Variants in SLC6A6 observed in about 807,000 individuals in gnomAD.
The protein encoded by SLC6A6 is sodium- and chloride-dependent taurine transporter.
A neutral mutation model predicts 68.8 loss-of-function variants in SLC6A6; 16 were observed. That is an observed-to-expected ratio of 0.23 (90% CI 0.16 to 0.35). SLC6A6 has a LOEUF of 0.35. Among genes scored for constraint, SLC6A6 ranks in the 10% least tolerant of loss-of-function variants. The pLI is 1.00. For synonymous variants in SLC6A6, 312 were observed against 315.4 expected (o/e 0.99, Z 0.12); for missense variants, 474 against 802.8 (o/e 0.59, Z 4.95).
At position 14,457,914 on chromosome 3, in the gene SLC6A6, C is replaced by A. The variant is rs373791222; in HGVS notation, c.600-36C>A. ...TGGCTCTCTCTACTCCAGGGCCAGG[C>A]CCCTCACTGACTCCTGGCTCTGTGT... On this transcript the variant is annotated intron_variant, in intron 5 of 14. Coordinates refer to ENST00000622186, the MANE Select transcript of SLC6A6 (RefSeq NM_003043.6). 25 of 1,610,334 alleles carry A rather than the reference C, an allele frequency of 1.6e-5. No homozygotes were observed. The African/African-American group carries it at 2.8e-4, about 18-fold the overall frequency.
At chr3:14,417,833 G>C (rs1191631468) in intron 2 of SLC6A6, among the ~76,000 whole-genome samples, 7 of 151,702 alleles carry the variant, frequency 4.6e-5, no homozygotes, top group African/African-American at 1.7e-4. Context: ...TCTGTTATCT[G>C]TGGATCTTAA....
At chr3:14,415,294 C>G (rs903945405) in intron 1 of SLC6A6, among the ~76,000 whole-genome samples, 7 of 152,186 alleles carry the variant, frequency 4.6e-5, no homozygotes, top group Non-Finnish European at 4.4e-5. Context: ...ATGTGGAGGC[C>G]CTAACAAAGC....
intron 2 of SLC6A6, among the ~76,000 whole-genome samples, chr3:14,441,559 AT>A (rs1167643450): frequency 6.6e-6 from 1 of 152,134 alleles, no homozygotes; most frequent in Non-Finnish European, 1.5e-5. Context: ...TAGTGAAACA[AT>A]TGGGGTCCCC....
At position 14,472,014 on chromosome 3, in the gene SLC6A6, G is replaced by A. The variant is rs1700763396; in HGVS notation, c.1097-191G>A. 6.6e-6 allele frequency among the ~76,000 whole-genome samples: 1 copy of A among 152,044 alleles called. No individual in the cohort carries two copies. The highest frequency in any genetic ancestry group is 1.5e-5 in the Non-Finnish European group (1 of 68,008). On this transcript the variant is annotated intron_variant, in intron 9 of 14. Transcript: ENST00000622186. The surrounding 1 kb of genome is among the most constrained non-coding windows in gnomAD (Gnocchi z 4.5). ...GTGTAGGAGACAGATGCTAAAACCG[G>A]GCCCCTCCTGAGCCCCAGCGTGTCC...
chr3:14,413,482 C>T (rs1324445865), intron 1 of SLC6A6, among the ~76,000 whole-genome samples: 3 of 152,200 alleles, frequency 2.0e-5, no homozygotes, highest in East Asian at 3.9e-4. Flanking sequence ...AAGTAGAACA[C>T]GTAGTGACTC....
chr3:14,435,540 CG>C (rs1699832788), intron 2 of SLC6A6, among the ~76,000 whole-genome samples: 4 of 152,226 alleles, frequency 2.6e-5, no homozygotes, highest in Admixed American at 2.6e-4. Flanking sequence ...CTCATTGTTT[CG>C]GCTTTGTTCC....
chr3:14,419,954 A>C (rs1310804059), intron 2 of SLC6A6, among the ~76,000 whole-genome samples: 1 of 152,142 alleles, frequency 6.6e-6, no homozygotes, highest in Non-Finnish European at 1.5e-5. Context: ...GTCTGCCCCC[A>C]TGCCCCGCAC....
intron 1 of SLC6A6, among the ~76,000 whole-genome samples, chr3:14,413,248 C>G (rs997700085): frequency 1.3e-5 from 2 of 152,194 alleles, no homozygotes; most frequent in African/African-American, 4.8e-5. Flanking sequence ...CAGCCTCCCC[C>G]ATTATTTAAA....
At chr3:14,459,158 A>G (rs1358250860) in intron 6 of SLC6A6, among the ~76,000 whole-genome samples, 1 of 152,182 alleles carries the variant, frequency 6.6e-6, no homozygotes, top group African/African-American at 2.4e-5. Context: ...GTGCCCTGTC[A>G]ACGCTTTCCC....
intron 1 of SLC6A6, chr3:14,411,327 C>T (rs1574906462): frequency 1.3e-5 from 2 of 152,474 alleles, no homozygotes; most frequent in African/African-American, 2.4e-5. Context: ...GCTCTCTCAG[C>T]CCTGCCCATG....
intron 2 of SLC6A6, among the ~76,000 whole-genome samples, chr3:14,419,196 C>T (rs1346269215): frequency 6.6e-6 from 1 of 152,222 alleles, no homozygotes; most frequent in African/African-American, 2.4e-5. Context: ...TCAGACTTAT[C>T]TGATGCTCCT....
intron 2 of SLC6A6, among the ~76,000 whole-genome samples, chr3:14,419,106 T>C (rs1699430579): frequency 6.6e-6 from 1 of 152,268 alleles, no homozygotes; most frequent in Non-Finnish European, 1.5e-5. Flanking sequence ...AGGTTGCCAA[T>C]GTTCCTCTTT....
chr3:14,425,802 T>A (rs1407881294), intron 2 of SLC6A6, among the ~76,000 whole-genome samples: 1 of 152,062 alleles, frequency 6.6e-6, no homozygotes, highest in Non-Finnish European at 1.5e-5. Context: ...TCAGTTTCAT[T>A]GAGATTGGTC....
At chr3:14,467,977 C>T in intron 8 of SLC6A6, 21 bp downstream of exon 8, 2 of 1,607,626 alleles carry the variant, frequency 1.2e-6, no homozygotes, top group African/African-American at 2.7e-5. Flanking sequence ...CGCCGGCGGG[C>T]CTGGTGGACT....
chr3:14,481,613 A>AGCCCCCCCCCCCCCCCTGGCCACG lies in SLC6A6; in HGVS notation c.1552-51_1552-50insCCCCCCCCCTGGCCACGGCCCCCC. The AGCCCCCCCCCCCCCCCTGGCCACG allele has an allele frequency of 8.2e-7, 1 of 1,213,900 alleles. No individual in the cohort carries two copies. Among genetic ancestry groups the AGCCCCCCCCCCCCCCCTGGCCACG allele is most frequent in the Non-Finnish European group, 1.2e-6 (1 of 835,856 alleles). 75.2% of individuals were successfully genotyped at this position (1,213,900 alleles called of 1,614,324 possible). On this transcript the variant is annotated intron_variant, in intron 13 of 14. Coordinates refer to ENST00000622186, the MANE Select transcript of SLC6A6 (RefSeq NM_003043.6). The surrounding 1 kb of genome is among the most constrained non-coding windows in gnomAD (Gnocchi z 4.7). ...GGTTGAGGCCAGTCCTAGTCCCAGA[A>AGCCCCCCCCCCCCCCCTGGCCACG]GCCCCCCACCCCCCGATGCCCAGGA...
chr3:14,483,182 G>T (rs1315354983), intron 14 of SLC6A6, among the ~76,000 whole-genome samples: 1 of 152,162 alleles, frequency 6.6e-6, no homozygotes, highest in Admixed American at 6.5e-5. Context: ...GTGGAGTGGG[G>T]TTGGCATGGG....
At chr3:14,414,264 T>C (rs1175700829) in intron 1 of SLC6A6, among the ~76,000 whole-genome samples, 1 of 152,164 alleles carries the variant, frequency 6.6e-6, no homozygotes, top group African/African-American at 2.4e-5. Flanking sequence ...TTCCCCAATA[T>C]TTTTGGCAAA....
At chr3:14,417,820 G>T (rs1487413814) in intron 2 of SLC6A6, among the ~76,000 whole-genome samples, 1 of 151,638 alleles carries the variant, frequency 6.6e-6, no homozygotes, top group African/African-American at 2.4e-5. Context: ...ACATTGACGT[G>T]ATTCTGTTAT....
intron 10 of SLC6A6, among the ~76,000 whole-genome samples, chr3:14,475,995 G>A (rs1032187988): frequency 6.6e-6 from 1 of 152,238 alleles, no homozygotes; most frequent in Non-Finnish European, 1.5e-5. Flanking sequence ...AGGAGGAAGG[G>A]GTTAGATTTC....
Sources: allele counts gnomAD v4.1 joint callset (sites outside exome capture counted in the v4.1 genomes callset), GRCh38; gene constraint gnomAD v4.1.1; non-coding constraint Gnocchi (gnomAD v3.1); transcripts MANE v1.5; gene names NCBI Gene and HGNC (gene_info 2026-07-23, HGNC 2026-07-21).